The following CEP170B variants were observed in gnomAD, a reference collection of about 807,000 sequenced individuals.
The protein encoded by CEP170B is centrosomal protein of 170 kDa protein B.
In CEP170B, 55 loss-of-function variants were observed where a neutral mutation model predicts 120.6. That is an observed-to-expected ratio of 0.46 (90% CI 0.37 to 0.57). The LOEUF (loss-of-function observed/expected upper bound fraction) is 0.57. CEP170B is among the 20% of genes least tolerant of loss of function. The probability of loss-of-function intolerance (pLI) is 0.00; values close to 1 mark genes in which losing one functional copy is unlikely to be tolerated. For synonymous variants in CEP170B, 1,033 were observed against 954.5 expected (o/e 1.08, Z -1.52); for missense variants, 2,212 against 2,253.3 (o/e 0.98, Z 0.37).
upstream of CEP170B, among the ~76,000 whole-genome samples, chr14:104,865,081 G>A (rs1451899374): frequency 6.6e-6 from 1 of 150,934 alleles, no homozygotes; most frequent in African/African-American, 2.4e-5. This position sits in a 1 kb window ranked among gnomAD's most constrained non-coding sequence, Gnocchi z 6.7. Context: ...CGGGATGGCG[G>A]CTCGCCAAGC....
At chr14:104,877,842 CCGCGCAGCT>C in intron 3 of CEP170B, 34 bp from the exon 4 acceptor site, 2 of 523,084 alleles carry the variant, frequency 3.8e-6, no homozygotes, top group Admixed American at 3.1e-5. Flanking sequence ...AGCCACCCAC[CCGCGCAGCT>C]CCCCCCCCCC....
In CEP170B at chr14:104,868,857, C is replaced by T. The variant is rs1199223660; in HGVS notation, c.105+302C>T. Among the ~76,000 whole-genome samples, 4 of 152,126 alleles carry T rather than the reference C, an allele frequency of 2.6e-5. No individual in the cohort carries two copies. The highest frequency in any genetic ancestry group is 2.6e-4 in the Admixed American group (4 of 15,278). On this transcript the variant is annotated intron_variant, in intron 2 of 18. Transcript: ENST00000414716. The surrounding 1 kb of genome is among the most constrained non-coding windows in gnomAD (Gnocchi z 5.9). ...TCAAAGTTGTTGGGGTCCCTAGAAG[C>T]GTGAGTTGGCGTCCTTTTGCAGAGA... is the stretch of plus-strand genomic sequence containing the variant.
In CEP170B at chr14:104,886,968, C is replaced by A. The variant is rs3742937; in HGVS notation, c.2729C>A (p.Thr910Asn). 1.5e-4 allele frequency: 245 copies of A among 1,608,836 alleles called. 1 individual carries two copies. The East Asian group carries it at 4.9e-3, about 32-fold the overall frequency. The stretch of plus-strand genomic sequence containing the variant: ...CGCATGGACTTCCACTCCCAGGACA[C>A]CCACCTGATCTTGAAGGAGACGGAG... ...AARMDFHSQD[T>N]HLILKETETA... Residue 910 changes from threonine (T) to asparagine (N), a missense_variant, in exon 12 of 19, where the codon ACC (threonine) becomes AAC (asparagine). By Grantham distance (65) the Thr-to-Asn change is moderately conservative. Transcript: ENST00000414716.
Position 104,886,356 on chromosome 14 carries a change from G to A in CEP170B, c.2117G>A (p.Ser706Asn), listed in dbSNP as rs768230556. Residue 706 changes from serine to asparagine, a missense_variant, in exon 12 of 19, where the codon AGT (serine) becomes AAT (asparagine). Ser to Asn is a conservative substitution (Grantham distance 46). Transcript: ENST00000414716. ...RMRRRLPQLP[S>N]ERADSPAGPE... ...CGGCGACGGCTCCCTCAGCTGCCCAGTGAGAGGGCTGACAGCCCTGCGGGC... is the reference window on the plus strand; with the variant it reads ...CGGCGACGGCTCCCTCAGCTGCCCAATGAGAGGGCTGACAGCCCTGCGGGC... 6.3e-7 allele frequency: 1 copy of A among 1,575,220 alleles called. No individual in the cohort carries two copies.
At position 104,887,627 on chromosome 14, in the gene CEP170B, C is replaced by T. The variant is rs761725406; in HGVS notation, c.3388C>T (p.Arg1130Trp). ...ACGGGCCTCCCGGCTGAGGCGGGCC[C>T]GGCTGGGGGACGCTTCAGACACTGA... ...PTRASRLRRA[R>W]LGDASDTEAA... is the part of the protein sequence containing the mutation. Residue 1130 changes from arginine (R) to tryptophan (W), a missense_variant, in exon 12 of 19, where the codon CGG becomes TGG. Coordinates refer to ENST00000414716, the MANE Select transcript of CEP170B (RefSeq NM_001112726.3). 9.0e-6 allele frequency: 14 copies of T among 1,559,492 alleles called. No individual in the cohort carries two copies. The highest frequency in any genetic ancestry group is 3.8e-5 in the Admixed American group (2 of 52,744).
At chr14:104,881,247 A>G (rs1896139685) in intron 6 of CEP170B, among the ~76,000 whole-genome samples, 1 of 151,286 alleles carries the variant, frequency 6.6e-6, no homozygotes, top group Non-Finnish European at 1.5e-5. Flanking sequence ...AGGGAAGGGA[A>G]GGAGCGAGAG....
intron 5 of CEP170B, 86 bp downstream of exon 5, chr14:104,878,587 GCAAA>G (rs1349498234): frequency 6.9e-7 from 1 of 1,455,376 alleles, no homozygotes; most frequent in African/African-American, 1.4e-5. Flanking sequence ...CATCTCCCCA[GCAAA>G]CACTCACCAG....
chr14:104,868,318 T>C lies in CEP170B; in HGVS notation c.-27-106T>C. On this transcript the variant is annotated intron_variant, in intron 1 of 18. Coordinates refer to ENST00000414716, the MANE Select transcript of CEP170B (RefSeq NM_001112726.3). This position sits in a 1 kb window ranked among gnomAD's most constrained non-coding sequence, Gnocchi z 5.9. ...GCTGGAGCCCAGCTTCTCCGGAAGC[T>C]GCCAGCTTCCCTTAGAGGGTCAGGA... 1 of 775,184 alleles carries C rather than the reference T, an allele frequency of 1.3e-6. No homozygotes were observed. The highest frequency in any genetic ancestry group is 1.8e-5 in the South Asian group (1 of 54,362). 48.0% of individuals were successfully genotyped at this position (775,184 alleles called of 1,614,324 possible).
chr14:104,883,221 G>A lies in CEP170B; in HGVS notation c.764G>A (p.Gly255Asp), dbSNP rs542389794. Residue 255 changes from glycine to aspartate, a missense_variant, in exon 8 of 19, where the codon GGT becomes GAT. This residue lies in a region of CEP170B where 2,166 missense variants were observed against 2,166.7 expected (regional missense o/e 1.00). Transcript: ENST00000414716. ...ATGCCCACGAAGGATGCAGAGGCAG[G>A]TGGGGGCGGAGCGGCCCCTGTGGTG... ...HEMPTKDAEA[G>D]GGGAAPVVQS... The A allele has an allele frequency of 3.2e-5, 51 of 1,611,284 alleles. No individual in the cohort carries two copies. The South Asian group carries it at 5.6e-4, about 18-fold the overall frequency.
chr14:104,882,410 C>A (rs1323071465), intron 6 of CEP170B, among the ~76,000 whole-genome samples: 1 of 152,046 alleles, frequency 6.6e-6, no homozygotes, highest in Non-Finnish European at 1.5e-5. Context: ...CCCCACCATG[C>A]CCCAGGGGAT....
chr14:104,887,012 G>A lies in CEP170B; in HGVS notation c.2773G>A (p.Glu925Lys), dbSNP rs1896557783. Residue 925 changes from glutamate (E) to lysine (K), a missense_variant, in exon 12 of 19, where the codon GAG (glutamate) becomes AAG (lysine). Physicochemically the swap from Glu to Lys is moderately conservative, Grantham distance 56. Around this residue, in one of 2 missense-constraint regions of CEP170B, gnomAD observed 2,166 missense variants for 2,166.7 expected, o/e 1.00. Coordinates refer to ENST00000414716, the MANE Select transcript of CEP170B (RefSeq NM_001112726.3). ...GACGGAGACGGCCCTGGCGGCCCTG[G>A]AGGCCCGACTCCTCTCTAATTCTGT... ...KETETALAAL[E>K]ARLLSNSVDA... The A allele has an allele frequency of 6.2e-7, 1 of 1,610,322 alleles. No homozygotes were observed.
chr14:104,886,271 A>G lies in CEP170B; in HGVS notation c.2036-4A>G, dbSNP rs1896495461. 4 of 1,525,546 alleles carry G rather than the reference A, an allele frequency of 2.6e-6. No individual in the cohort carries two copies. Among genetic ancestry groups the G allele is most frequent in the Non-Finnish European group, 3.5e-6 (4 of 1,141,946 alleles). 94.5% of individuals were successfully genotyped at this position (1,525,546 alleles called of 1,614,324 possible). The stretch of plus-strand genomic sequence containing the variant: ...CTCTAACCGGCTGCCTTTGTGCTCC[A>G]CAGAGGATGGCCTGGGACGTAGAGG... On this transcript the variant is annotated splice_region_variant and splice_polypyrimidine_tract_variant and intron_variant, in intron 11 of 18. Coordinates refer to ENST00000414716, the MANE Select transcript of CEP170B (RefSeq NM_001112726.3).
rs139791958 is a variant in CEP170B at position 104,869,724 on chromosome 14, C to T, written c.105+1169C>T. On this transcript the variant is annotated intron_variant, in intron 2 of 18. Coordinates refer to ENST00000414716, the MANE Select transcript of CEP170B (RefSeq NM_001112726.3). ...AGAGGCCAGAGGAAGCTGGCTCACC[C>T]CTTCTGCCCAGTGGGGACGCAGCAT... 3.7e-4 allele frequency among the ~76,000 whole-genome samples: 57 copies of T among 152,314 alleles called. No individual in the cohort carries two copies. The East Asian group carries it at 9.4e-3, about 25-fold the overall frequency.
Position 104,883,507 on chromosome 14 carries a change from G to T in CEP170B, c.1050G>T (p.Lys350Asn). The T allele has an allele frequency of 6.5e-7, 1 of 1,536,998 alleles. No homozygotes were observed. Among genetic ancestry groups the T allele is most frequent in the Non-Finnish European group, 8.8e-7 (1 of 1,138,084 alleles). ...TGCCTGTCCACACCCGCACCCTGAA[G>T]GGTGAGTGCCCAGCTGGCGGCCGTG... Reference protein sequence around the residue: ...SDLPVHTRTLKGHKHEDGTQS... With the variant: ...SDLPVHTRTLNGHKHEDGTQS... Residue 350 changes from lysine to asparagine, a missense_variant and splice_region_variant, in exon 8 of 19, where the codon AAG becomes AAT. This residue lies in a region of CEP170B where 2,166 missense variants were observed against 2,166.7 expected (regional missense o/e 1.00). Coordinates refer to ENST00000414716, the MANE Select transcript of CEP170B (RefSeq NM_001112726.3).
In CEP170B at chr14:104,883,143, C is replaced by T; in HGVS notation, c.686C>T (p.Pro229Leu). The T allele has an allele frequency of 6.2e-7, 1 of 1,606,096 alleles. No individual in the cohort carries two copies. The highest frequency in any genetic ancestry group is 1.3e-5 in the African/African-American group (1 of 74,360). Reference sequence around the variant, plus strand: ...CGGGAGCCCAGCTACTTCGAGATCCCCACGAAGGAGACCCCGCAGCCGTCG... The same window carrying T: ...CGGGAGCCCAGCTACTTCGAGATCCTCACGAAGGAGACCCCGCAGCCGTCG... ...FRREPSYFEI[P>L]TKETPQPSQP... Residue 229 changes from proline (P) to leucine (L), a missense_variant, in exon 8 of 19, where the codon CCC (proline) becomes CTC (leucine). Physicochemically the swap from Pro to Leu is moderately conservative, Grantham distance 98 (BLOSUM62 -3). Coordinates refer to ENST00000414716, the MANE Select transcript of CEP170B (RefSeq NM_001112726.3).
At chr14:104,885,982 C>T (rs45571339) in intron 10 of CEP170B, 58 bp from the exon 11 acceptor site, 285 of 1,435,076 alleles carry the variant, frequency 2.0e-4, no homozygotes, top group Non-Finnish European at 2.3e-4. Context: ...TCCCTGGCAC[C>T]CCCTGCTTCT....
chr14:104,876,729 C>T (rs1206978434), intron 3 of CEP170B, among the ~76,000 whole-genome samples: 1 of 152,288 alleles, frequency 6.6e-6, no homozygotes, highest in African/African-American at 2.4e-5. Flanking sequence ...GAGAGTGGAC[C>T]CTGCAGATGG....
chr14:104,882,644 C>A, intron 6 of CEP170B, 84 bp from the exon 7 acceptor site: 1 of 1,141,544 alleles, frequency 8.8e-7, no homozygotes, highest in Non-Finnish European at 1.3e-6. Flanking sequence ...CCCCAGAGTC[C>A]AGCCTCTCCT....
chr14:104,889,103 CT>C (rs1456680599), intron 12 of CEP170B, among the ~76,000 whole-genome samples: 2 of 152,238 alleles, frequency 1.3e-5, no homozygotes, highest in Non-Finnish European at 2.9e-5. Flanking sequence ...CTGCAGTGGC[CT>C]TGCTTGCGCT....
Sources: allele counts gnomAD v4.1 joint callset (sites outside exome capture counted in the v4.1 genomes callset), GRCh38; gene constraint gnomAD v4.1.1; regional missense constraint gnomAD v4.1.1; non-coding constraint Gnocchi (gnomAD v3.1); transcripts MANE v1.5; gene names NCBI Gene and HGNC (gene_info 2026-07-23, HGNC 2026-07-21).